Variants in GRIN2C observed in about 807,000 individuals in gnomAD.
The protein encoded by GRIN2C is glutamate receptor ionotropic, NMDA 2C.
GRIN2C carries 64 observed loss-of-function variants against 77.7 expected under a neutral mutation model. The observed-to-expected ratio is 0.82, with a 90% CI of 0.67 to 1.01. The LOEUF (loss-of-function observed/expected upper bound fraction) is 1.01. GRIN2C is among the 50% of genes least tolerant of loss of function. The pLI, the probability that GRIN2C is intolerant of heterozygous loss-of-function variation, is 0.00. For missense variants in GRIN2C, 1,549 were observed against 1,486.0 expected, an observed-to-expected ratio of 1.04 and a Z score of -0.70; for synonymous variants, 792 against 643.4, an observed-to-expected ratio of 1.23 and a Z score of -3.49.
chr17:74,847,285 C>CCCG lies in GRIN2C; in HGVS notation c.2001+22_2001+23insCGG. The CCCG allele has an allele frequency of 7.6e-7, 1 of 1,320,738 alleles. No individual in the cohort carries two copies. The highest frequency in any genetic ancestry group is 1.2e-5 in the South Asian group (1 of 84,992). The allele number at this position is 1,320,738 out of a possible 1,614,324, so 81.8% of individuals were successfully genotyped here. ...CCCACCCTCAGTGCCCCCCCCCACC[C>CCCG]CCAGCAGCTATGGCCCCACAACCTT... On this transcript the variant is annotated intron_variant, in intron 9 of 12. Transcript: ENST00000293190. The surrounding 1 kb of genome is among the most constrained non-coding windows in gnomAD (Gnocchi z 5.2).
In GRIN2C at chr17:74,842,390, G is replaced by A; in HGVS notation, c.*45C>T. 1 of 744,150 alleles carries A rather than the reference G, an allele frequency of 1.3e-6. No individual in the cohort carries two copies. Among genetic ancestry groups the A allele is most frequent in the Non-Finnish European group, 2.5e-6 (1 of 401,700 alleles). The allele number at this position is 744,150 out of a possible 1,614,324, so 46.1% of individuals were successfully genotyped here. On this transcript the variant is annotated 3_prime_UTR_variant, in exon 13 of 13. Coordinates refer to ENST00000293190, the MANE Select transcript of GRIN2C (RefSeq NM_000835.6). ...TGCCTGCCGCTTAACCCTGACAGTG[G>A]CAGGCAGAGAATCCAGCTGGCTCGG... is the stretch of plus-strand genomic sequence containing the variant.
chr17:74,855,272 G>A (rs114322574), intron 1 of GRIN2C, among the ~76,000 whole-genome samples, 165 bp from the exon 2 acceptor site: 1,603 of 152,258 alleles, frequency 0.011, 30 homozygotes, highest in African/African-American at 0.036. Flanking sequence ...AGACAGACAC[G>A]GACAAAGAGA....
At chr17:74,858,012 C>A (rs112001391) in intron 1 of GRIN2C, among the ~76,000 whole-genome samples, 2 of 152,068 alleles carry the variant, frequency 1.3e-5, no homozygotes, top group South Asian at 4.1e-4. Context: ...ACTTGTGGCT[C>A]CCATTTTATT....
In GRIN2C at chr17:74,849,128, T is replaced by C. The variant is rs1465721268; in HGVS notation, c.1645+652A>G. Among the ~76,000 whole-genome samples, 3 of 146,452 alleles carry C rather than the reference T, an allele frequency of 2.0e-5. No individual in the cohort carries two copies. Among genetic ancestry groups the C allele is most frequent in the African/African-American group, 7.4e-5 (3 of 40,618 alleles). On this transcript the variant is annotated intron_variant, in intron 7 of 12. Coordinates refer to ENST00000293190, the MANE Select transcript of GRIN2C (RefSeq NM_000835.6). This position sits in a 1 kb window ranked among gnomAD's most constrained non-coding sequence, Gnocchi z 4.6. ...TGCTATGCTATGAAGTGGTTTTTTTTTTCCTCTCTTCCGTGGCTGAGGAGC... is the reference window on the plus strand; with the variant it reads ...TGCTATGCTATGAAGTGGTTTTTTTCTTCCTCTCTTCCGTGGCTGAGGAGC...
chr17:74,843,005 CGGGA>C lies in GRIN2C; in HGVS notation c.3128_3131del (p.Leu1043ArgfsTer167). ...GCAGGTCCTCCAGCTCCGGGAAGAG[CGGGA>C]GGAAGGGGCGGCCGGATCGGTCGGC... On this transcript the variant is annotated frameshift_variant, in exon 13 of 13. Transcript: ENST00000293190. LOFTEE classifies it low-confidence loss of function (END_TRUNC). 2.0e-6 allele frequency: 1 copy of C among 506,312 alleles called. No individual in the cohort carries two copies. The highest frequency in any genetic ancestry group is 3.5e-6 in the Non-Finnish European group (1 of 285,244). The allele number at this position is 506,312 out of a possible 1,614,324, so 31.4% of individuals were successfully genotyped here. A position where few individuals can be genotyped will look rare whatever the true frequency, so the allele number is the denominator to read the frequency against.
rs2037390528 is a variant in GRIN2C, at chr17:74,844,306, G to A, written c.2553C>T (p.Ser851=). The change falls in exon 12 of 13, where the codon TCC becomes TCT. Residue 851 remains serine (S), a synonymous_variant. Transcript: ENST00000293190. Reference sequence around the variant, plus strand: ...TGAAAGCCAGCAGGAAGTCCAGCTGGGATGAGTTGGGCACCGAGTGGCGCA... The same window carrying A: ...TGAAAGCCAGCAGGAAGTCCAGCTGAGATGAGTTGGGCACCGAGTGGCGCA... ...WKLRHSVPNS[S]QLDFLLAFSR... 1 of 1,613,966 alleles carries A rather than the reference G, an allele frequency of 6.2e-7. No individual in the cohort carries two copies. Among genetic ancestry groups the A allele is most frequent in the Non-Finnish European group, 8.5e-7 (1 of 1,179,990 alleles).
rs377010808 is a variant in GRIN2C at position 74,844,589 on chromosome 17, A to C, written c.2351-81T>G. The C allele has an allele frequency of 3.1e-5, 48 of 1,541,074 alleles. 2 individuals carry two copies. Among genetic ancestry groups the C allele is most frequent in the East Asian group, 1.6e-4 (7 of 43,688 alleles). ...CTCACAAAGCTCACCACAAACCTGGAGTAAGAAGGGATCTGGGGCAGGGTG... is the reference window on the plus strand; with the variant it reads ...CTCACAAAGCTCACCACAAACCTGGCGTAAGAAGGGATCTGGGGCAGGGTG... On this transcript the variant is annotated intron_variant, in intron 11 of 12. Transcript: ENST00000293190.
At chr17:74,853,364 AGAGG>A (rs2037721944) in intron 2 of GRIN2C, 1 of 152,256 alleles carries the variant, frequency 6.6e-6, no homozygotes, top group Non-Finnish European at 1.5e-5. Flanking sequence ...GGAGGGGCCC[AGAGG>A]TTGAGAGAAA....
intron 1 of GRIN2C, 87 bp from the exon 2 acceptor site, chr17:74,855,194 C>A: frequency 9.2e-7 from 1 of 1,083,012 alleles, no homozygotes; most frequent in Non-Finnish European, 1.3e-6. Flanking sequence ...GAGGGACACA[C>A]ATACGGAAGA....
At chr17:74,856,250 A>C (rs1567900665) in intron 1 of GRIN2C, among the ~76,000 whole-genome samples, 1 of 152,206 alleles carries the variant, frequency 6.6e-6, no homozygotes, top group Non-Finnish European at 1.5e-5. Context: ...ACTTCTGAGC[A>C]GGGAAGAGCT....
chr17:74,856,036 C>G (rs886427892), intron 1 of GRIN2C, among the ~76,000 whole-genome samples: 4 of 152,234 alleles, frequency 2.6e-5, no homozygotes, highest in Non-Finnish European at 4.4e-5. Flanking sequence ...CCATCACTGG[C>G]GTGCAGGATC....
Position 74,846,792 on chromosome 17 carries a change from C to A in GRIN2C, c.2130G>T (p.Ser710=). Reference sequence around the variant, plus strand: ...TGAGGCTGGTGAGCGCGTCCTCCACCGAGCGCTGGTTGAACTTGACCATGT... The same window carrying A: ...TGAGGCTGGTGAGCGCGTCCTCCACAGAGCGCTGGTTGAACTTGACCATGT... The part of the protein sequence containing the change: ...HTHMVKFNQR[S]VEDALTSLKM... The change falls in exon 10 of 13, where the codon TCG becomes TCT. Residue 710 remains serine, a synonymous_variant. Coordinates refer to ENST00000293190, the MANE Select transcript of GRIN2C (RefSeq NM_000835.6). The surrounding 1 kb of genome is among the most constrained non-coding windows in gnomAD (Gnocchi z 4.4). 6.2e-7 allele frequency: 1 copy of A among 1,614,062 alleles called. No individual in the cohort carries two copies. The highest frequency in any genetic ancestry group is 8.5e-7 in the Non-Finnish European group (1 of 1,179,984).
Position 74,851,627 on chromosome 17 carries a change from G to C in GRIN2C, c.1063C>G (p.Gln355Glu), listed in dbSNP as rs1315318880. Residue 355 changes from glutamine to glutamate, a missense_variant, in exon 4 of 13, where the codon CAG becomes GAG. Coordinates refer to ENST00000293190, the MANE Select transcript of GRIN2C (RefSeq NM_000835.6). ...AGGGCGATCACCACCATGGTGGGCT[G>C]GACCAGGTACCCACCAGGGCTGAAG... ...FSFSPGGYLV[Q>E]PTMVVIALNR... 3 of 1,572,152 alleles carry C rather than the reference G, an allele frequency of 1.9e-6. No homozygotes were observed. Among genetic ancestry groups the C allele is most frequent in the Admixed American group, 1.8e-5 (1 of 54,190 alleles).
At position 74,849,868 on chromosome 17, in the gene GRIN2C, G is replaced by A. The variant is rs74912643; in HGVS notation, c.1557C>T (p.Ile519=). 5,724 of 1,613,584 alleles carry A rather than the reference G, an allele frequency of 3.5e-3. 16 individuals carry two copies. The highest frequency in any genetic ancestry group is 5.0e-3 in the South Asian group (456 of 91,036). The part of the protein sequence containing the change: ...SLTINEERSE[I]VDFSVPFVET... ...CCACAAAGGGTACAGAGAAGTCTAC[G>A]ATCTCGGAGCGTTCCTCATTGATGG... Residue 519 remains isoleucine (I), a synonymous_variant, in exon 7 of 13, where the codon ATC becomes ATT. Coordinates refer to ENST00000293190, the MANE Select transcript of GRIN2C (RefSeq NM_000835.6). The surrounding 1 kb of genome is among the most constrained non-coding windows in gnomAD (Gnocchi z 4.6).
chr17:74,856,822 C>T (rs1285051136), intron 1 of GRIN2C, among the ~76,000 whole-genome samples: 1 of 152,076 alleles, frequency 6.6e-6, no homozygotes, highest in Non-Finnish European at 1.5e-5. Context: ...GTCTTACAGA[C>T]ATATGGGCCT....
At chr17:74,843,924 A>G in intron 12 of GRIN2C, 1 of 452,374 alleles carries the variant, frequency 2.2e-6, no homozygotes. Flanking sequence ...CCCAGGCTGG[A>G]GTGCAGTGGT....
intron 4 of GRIN2C, chr17:74,851,097 A>C: frequency 5.2e-6 from 2 of 386,800 alleles, no homozygotes; most frequent in South Asian, 4.1e-5. Flanking sequence ...CCAGGCTAGC[A>C]CCTCTTCCTG....
At chr17:74,861,006 C>G (rs977858579), upstream of GRIN2C, among the ~76,000 whole-genome samples, 5 of 152,200 alleles carry the variant, frequency 3.3e-5, no homozygotes, top group African/African-American at 4.8e-5. Flanking sequence ...CCCCCACTCC[C>G]GGCCCTGTTC....
upstream of GRIN2C, among the ~76,000 whole-genome samples, chr17:74,860,097 G>A (rs3744195): frequency 5.7e-3 from 867 of 151,952 alleles, 15 homozygotes; most frequent in East Asian, 0.048. Flanking sequence ...GGCGGCCCCA[G>A]TACCATCCCA....
Sources: gnomAD v4.1 joint callset for allele counts (sites outside exome capture counted in the v4.1 genomes callset) on GRCh38, gnomAD v4.1.1 for gene constraint, Gnocchi (gnomAD v3.1) non-coding constraint, MANE v1.5 for transcripts, NCBI Gene and HGNC (gene_info 2026-07-23, HGNC 2026-07-21) for gene names.